Variants in NR3C1 observed in about 807,000 individuals in gnomAD.
The protein encoded by NR3C1 is glucocorticoid receptor.
NR3C1 carries 14 observed loss-of-function variants against 74.0 expected under a neutral mutation model. The ratio of observed to expected loss-of-function variants is 0.19; its 90% CI spans 0.12 to 0.30. The LOEUF (loss-of-function observed/expected upper bound fraction) is 0.30, where lower values mean the gene tolerates loss of function less well. NR3C1 is among the 10% of genes least tolerant of loss of function. The pLI, the probability that NR3C1 is intolerant of heterozygous loss-of-function variation, is 1.00. For missense variants in NR3C1, 695 were observed against 909.8 expected, an observed-to-expected ratio of 0.76 and a Z score of 3.04; for synonymous variants, 308 against 332.5, an observed-to-expected ratio of 0.93 and a Z score of 0.80.
At chr5:143,326,968 G>GTA (rs1456576416) in intron 2 of NR3C1, among the ~76,000 whole-genome samples, 2 of 152,172 alleles carry the variant, frequency 1.3e-5, no homozygotes, top group Non-Finnish European at 2.9e-5. Context: ...GTACCACAAT[G>GTA]TATACATTCA....
At chr5:143,289,727 A>AGAAAT (rs1181666186) in intron 7 of NR3C1, among the ~76,000 whole-genome samples, 1 of 152,230 alleles carries the variant, frequency 6.6e-6, no homozygotes, top group Non-Finnish European at 1.5e-5. Context: ...ATACCAAATA[A>AGAAAT]GAAATATAGG....
chr5:143,340,632 G>A (rs576384701), intron 2 of NR3C1, among the ~76,000 whole-genome samples: 17 of 151,576 alleles, frequency 1.1e-4, no homozygotes, highest in Non-Finnish European at 1.6e-4. Context: ...ACAGGTGCGC[G>A]CCACCACGCC....
intron 2 of NR3C1, among the ~76,000 whole-genome samples, chr5:143,344,094 A>G (rs1323670451): frequency 6.6e-6 from 1 of 152,148 alleles, no homozygotes; most frequent in Non-Finnish European, 1.5e-5. Context: ...TAAGTTATTT[A>G]ACTATGACAT....
chr5:143,318,475 T>G (rs1822644260), intron 2 of NR3C1, among the ~76,000 whole-genome samples: 1 of 152,160 alleles, frequency 6.6e-6, no homozygotes, highest in Admixed American at 6.6e-5. Context: ...GTTCACTGAG[T>G]TATGCAGATC....
intron 2 of NR3C1, among the ~76,000 whole-genome samples, chr5:143,331,835 T>A (rs562526846): frequency 3.9e-5 from 6 of 152,198 alleles, no homozygotes; most frequent in African/African-American, 1.4e-4. Context: ...GTACTGTGTT[T>A]ATTTCCTGGG....
At chr5:143,404,546 A>AGGC (rs72557313), upstream of NR3C1, 1,678 of 942,968 alleles carry the variant, frequency 1.8e-3, no homozygotes, top group Non-Finnish European at 2.0e-3. Context: ...CGAGTCTGCG[A>AGGC]GGCGGCGGCG....
intron 4 of NR3C1, among the ~76,000 whole-genome samples, chr5:143,303,694 A>T: frequency 6.6e-6 from 1 of 152,256 alleles, no homozygotes; most frequent in Non-Finnish European, 1.5e-5. Flanking sequence ...ACAAAACACT[A>T]GCAAACTGAA....
At chr5:143,289,130 C>T (rs966489388) in intron 7 of NR3C1, among the ~76,000 whole-genome samples, 2 of 146,236 alleles carry the variant, frequency 1.4e-5, no homozygotes, top group Admixed American at 6.8e-5. Context: ...TCCAAAACAA[C>T]AGTTTGGAAA....
Position 143,281,996 on chromosome 5 carries a change from T to C in NR3C1, c.2227A>G (p.Lys743Glu), listed in dbSNP as rs1247900918. ...LNYCFQTFLD[K>E]TMSIEFPEML... ...TCGGGGAATTCAATACTCATGGTCT[T>C]ATCCAAAAATGTTTGGAAGCAATAG... Residue 743 changes from lysine (K) to glutamate (E), a missense_variant, in exon 9 of 9, where the codon AAG (lysine) becomes GAG (glutamate). Transcript: ENST00000394464. 6.2e-7 allele frequency: 1 copy of C among 1,613,740 alleles called. No individual in the cohort carries two copies. Among genetic ancestry groups the C allele is most frequent in the African/African-American group, 1.3e-5 (1 of 75,026 alleles).
At chr5:143,332,963 T>C (rs1475650678) in intron 2 of NR3C1, 2 of 1,584,734 alleles carry the variant, frequency 1.3e-6, no homozygotes, top group Non-Finnish European at 1.7e-6. Context: ...TTTTGAAACG[T>C]GGACAAGCCA....
chr5:143,374,202 T>C (rs1834735205), intron 2 of NR3C1, among the ~76,000 whole-genome samples: 1 of 152,076 alleles, frequency 6.6e-6, no homozygotes, highest in Admixed American at 6.5e-5. Context: ...AAAAACATAG[T>C]GAGTAAAGGG....
intron 1 of NR3C1, chr5:143,402,883 G>A (rs996509607): frequency 1.0e-6 from 1 of 966,772 alleles, no homozygotes; most frequent in Non-Finnish European, 1.2e-6. Flanking sequence ...GGGGACACTA[G>A]GGGGAGAAAA....
At chr5:143,332,228 C>T (rs1826111001) in intron 2 of NR3C1, among the ~76,000 whole-genome samples, 2 of 151,782 alleles carry the variant, frequency 1.3e-5, no homozygotes, top group Non-Finnish European at 2.9e-5. Flanking sequence ...TATCACAACA[C>T]AGACTGTTAA....
At chr5:143,392,201 A>G (rs1358156374) in intron 2 of NR3C1, among the ~76,000 whole-genome samples, 1 of 152,052 alleles carries the variant, frequency 6.6e-6, no homozygotes, top group Non-Finnish European at 1.5e-5. Flanking sequence ...TCCTGACCTC[A>G]TGATCTGCCC....
chr5:143,301,748 G>A (rs1255909441), intron 4 of NR3C1, among the ~76,000 whole-genome samples: 1 of 152,078 alleles, frequency 6.6e-6, no homozygotes, highest in Non-Finnish European at 1.5e-5. Flanking sequence ...TATTAGGGAT[G>A]CAAACCATTT....
intron 2 of NR3C1, among the ~76,000 whole-genome samples, chr5:143,355,518 A>G (rs1167759860): frequency 6.6e-6 from 1 of 151,948 alleles, no homozygotes; most frequent in African/African-American, 2.4e-5. Flanking sequence ...TAATGGGGGA[A>G]AAACTCCAAA....
chr5:143,354,272 T>A (rs556450023), intron 2 of NR3C1, among the ~76,000 whole-genome samples: 1 of 152,386 alleles, frequency 6.6e-6, no homozygotes, highest in South Asian at 2.1e-4. Flanking sequence ...ACATGTTTGC[T>A]GGAGTAGCAC....
At position 143,434,689 on chromosome 5, in the gene NR3C1, A is replaced by T. The variant is rs1161818480; in HGVS notation, c.-171T>A. ...CCATTCTCGCACAGAGAAGGCACTC[A>T]TTAAGTGCTTATCAAAGTTAATATC... On this transcript the variant is annotated 5_prime_UTR_variant, in exon 1 of 9. Transcript: ENST00000343796. The T allele has an allele frequency of 4.1e-6, 4 of 985,344 alleles. No individual in the cohort carries two copies. In the East Asian group the frequency reaches 4.5e-4, roughly 112 times the overall value. 61.0% of individuals were successfully genotyped at this position (985,344 alleles called of 1,614,324 possible).
chr5:143,400,997 T>A, intron 1 of NR3C1, 145 bp from the exon 2 acceptor site: 1 of 720,428 alleles, frequency 1.4e-6, no homozygotes, highest in Non-Finnish European at 2.4e-6. Flanking sequence ...AGAAGAGTAG[T>A]TTCTATCTTC....
Sources: allele counts gnomAD v4.1 joint callset (sites outside exome capture counted in the v4.1 genomes callset), GRCh38; gene constraint gnomAD v4.1.1; transcripts MANE v1.5; gene names NCBI Gene and HGNC (gene_info 2026-07-23, HGNC 2026-07-21).